The following NAV2 variants were observed in gnomAD, a reference collection of about 807,000 sequenced individuals.
NAV2 encodes the protein helicase, APC down-regulated 1.
Under a neutral mutation model 223.2 loss-of-function variants are expected in NAV2, and 54 were observed. That is an observed-to-expected ratio of 0.24 (90% CI 0.19 to 0.30). The LOEUF (loss-of-function observed/expected upper bound fraction) is 0.30, where lower values mean the gene tolerates loss of function less well. Ranked by LOEUF, NAV2 falls within the 10% of genes least tolerant of loss-of-function variation. NAV2 has a pLI of 1.00. For synonymous variants in NAV2, 1,279 were observed against 1,239.3 expected (o/e 1.03, Z -0.67); for missense variants, 2,806 against 3,147.5 (o/e 0.89, Z 2.60).
intron 10 of NAV2, among the ~76,000 whole-genome samples, chr11:19,973,426 A>G (rs780411143): frequency 1.3e-5 from 2 of 152,220 alleles, no homozygotes; most frequent in Non-Finnish European, 1.5e-5. Context: ...CAGCCCACAG[A>G]TGATGATTGG....
chr11:20,068,345 C>T lies in NAV2; in HGVS notation c.4930C>T (p.Leu1644=), dbSNP rs766784484. 6.2e-7 allele frequency: 1 copy of T among 1,614,194 alleles called. No individual in the cohort carries two copies. The highest frequency in any genetic ancestry group is 1.7e-5 in the Admixed American group (1 of 60,022). ...TTAGATTCGCAAGCTGCGGCGGGAA[C>T]TGGATGCCTCCCAGGAGAAAGTTTC... ...QSEIRKLRRE[L]DASQEKVSAL... The change falls in exon 22 of 38, where the codon CTG becomes TTG. Residue 1644 remains leucine (L), a synonymous_variant. Transcript: ENST00000349880.
chr11:19,956,361 CACAT>C (rs1406710032), intron 10 of NAV2, among the ~76,000 whole-genome samples: 7 of 151,404 alleles, frequency 4.6e-5, no homozygotes, highest in African/African-American at 1.7e-4. Context: ...ACCCCCGACA[CACAT>C]ACACACACAC....
At chr11:19,842,822 A>C in intron 2 of NAV2, 49 bp from the exon 3 acceptor site, 1 of 1,588,718 alleles carries the variant, frequency 6.3e-7, no homozygotes. Flanking sequence ...TCACTACTGA[A>C]AGTGTCTCTC....
At chr11:19,598,865 A>C (rs984847430) in intron 1 of NAV2, among the ~76,000 whole-genome samples, 4 of 143,454 alleles carry the variant, frequency 2.8e-5, no homozygotes, top group African/African-American at 1.2e-4. Flanking sequence ...GCTCTGCATA[A>C]TACGTTCTTT....
intron 1 of NAV2, among the ~76,000 whole-genome samples, chr11:19,432,523 A>G (rs574964530): frequency 1.4e-4 from 21 of 152,226 alleles, no homozygotes; most frequent in Non-Finnish European, 2.5e-4. Context: ...GCACACTCAC[A>G]AGAAGGCAGG....
intron 1 of NAV2, among the ~76,000 whole-genome samples, chr11:19,490,381 A>T (rs964601172): frequency 6.6e-6 from 1 of 152,222 alleles, no homozygotes; most frequent in African/African-American, 2.4e-5. Context: ...CATTGGACTC[A>T]GTTCTCTCAA....
At chr11:19,717,586 A>G (rs1165465543) in intron 1 of NAV2, among the ~76,000 whole-genome samples, 2 of 152,256 alleles carry the variant, frequency 1.3e-5, no homozygotes, top group Non-Finnish European at 2.9e-5. Context: ...TCATTGCTCC[A>G]GATCTGACAT....
intron 1 of NAV2, among the ~76,000 whole-genome samples, chr11:19,719,264 A>G (rs1288074780): frequency 6.6e-6 from 1 of 152,200 alleles, no homozygotes; most frequent in Non-Finnish European, 1.5e-5. Context: ...AGCTCTTTAT[A>G]TAGATATTAT....
At chr11:19,927,411 A>C (rs1169181339) in intron 6 of NAV2, among the ~76,000 whole-genome samples, 1 of 152,154 alleles carries the variant, frequency 6.6e-6, no homozygotes, top group Non-Finnish European at 1.5e-5. Flanking sequence ...GTGAAACCCC[A>C]TCTCTACTAA....
At chr11:19,479,466 T>C (rs571597279) in intron 1 of NAV2, among the ~76,000 whole-genome samples, 1 of 152,284 alleles carries the variant, frequency 6.6e-6, no homozygotes, top group East Asian at 1.9e-4. Context: ...GCTTTATGTA[T>C]ATCCTTTCCA....
At chr11:19,705,023 A>AG (rs2152292465) in intron 1 of NAV2, among the ~76,000 whole-genome samples, 1 of 151,482 alleles carries the variant, frequency 6.6e-6, no homozygotes, top group East Asian at 1.9e-4. Context: ...AAAAAAAAAA[A>AG]AAAAAGAAAA....
intron 5 of NAV2, among the ~76,000 whole-genome samples, chr11:19,889,238 C>G (rs1472111498): frequency 6.6e-6 from 1 of 152,146 alleles, no homozygotes; most frequent in Non-Finnish European, 1.5e-5. Flanking sequence ...TCCCACTTAC[C>G]ACACAGTCAT....
At chr11:19,366,678 G>A (rs534912537) in intron 1 of NAV2, among the ~76,000 whole-genome samples, 4 of 152,226 alleles carry the variant, frequency 2.6e-5, no homozygotes, top group East Asian at 1.9e-4. Flanking sequence ...TCACCTCTCC[G>A]TGAGCCTCAG....
chr11:19,799,134 C>T (rs2058083083), intron 1 of NAV2, among the ~76,000 whole-genome samples: 1 of 152,144 alleles, frequency 6.6e-6, no homozygotes. Context: ...ACTTCAGCAA[C>T]TATTGAGGGC....
chr11:19,650,920 GA>G (rs1183298250), intron 1 of NAV2, among the ~76,000 whole-genome samples: 1 of 152,226 alleles, frequency 6.6e-6, no homozygotes, highest in Non-Finnish European at 1.5e-5. Context: ...TGGGGTGATA[GA>G]AATGTATATA....
chr11:19,564,798 G>A (rs2045216477), intron 1 of NAV2, among the ~76,000 whole-genome samples: 1 of 152,206 alleles, frequency 6.6e-6, no homozygotes, highest in Non-Finnish European at 1.5e-5. Flanking sequence ...AAAGAGGTCG[G>A]GTGACTTGCT....
At chr11:20,041,872 G>T (rs2056947130) in intron 12 of NAV2, among the ~76,000 whole-genome samples, 3 of 152,116 alleles carry the variant, frequency 2.0e-5, no homozygotes, top group Admixed American at 6.5e-5. Context: ...ACTGATCACT[G>T]TCGCCTACCC....
intron 1 of NAV2, among the ~76,000 whole-genome samples, chr11:19,804,177 A>T (rs1379589686): frequency 6.6e-6 from 1 of 152,214 alleles, no homozygotes; most frequent in Non-Finnish European, 1.5e-5. Context: ...GGTTAAAAAT[A>T]GATAATGTTC....
chr11:19,448,430 C>T (rs1190491481), intron 1 of NAV2, among the ~76,000 whole-genome samples: 1 of 152,184 alleles, frequency 6.6e-6, no homozygotes, highest in Non-Finnish European at 1.5e-5. Context: ...TCTCTCATTG[C>T]GTGGATTGGA....
Sources: gnomAD v4.1 joint callset for allele counts (sites outside exome capture counted in the v4.1 genomes callset) on GRCh38, gnomAD v4.1.1 for gene constraint, MANE v1.5 for transcripts, NCBI Gene and HGNC (gene_info 2026-07-23, HGNC 2026-07-21) for gene names.